The following EVPLL variants were observed in gnomAD, a reference collection of about 807,000 sequenced individuals.
EVPLL encodes envoplakin-like protein.
A neutral mutation model predicts 46.2 loss-of-function variants in EVPLL; 39 were observed. The observed-to-expected ratio is 0.84, with a 90% confidence interval of 0.65 to 1.10. The LOEUF (loss-of-function observed/expected upper bound fraction) is 1.10. EVPLL is among the 50% of genes least tolerant of loss of function. EVPLL has a pLI of 0.00. For missense variants in EVPLL, 385 were observed against 412.6 expected, an observed-to-expected ratio of 0.93 and a Z score of 0.58; for synonymous variants, 156 against 165.8, an observed-to-expected ratio of 0.94 and a Z score of 0.46.
chr17:18,382,803 G>C (rs752087477), intron 5 of EVPLL, 23 bp from the exon 6 acceptor site: 6 of 1,611,736 alleles, frequency 3.7e-6, no homozygotes, highest in Non-Finnish European at 4.2e-6. Flanking sequence ...TCACGGGCTT[G>C]TTTCTCCCCT....
intron 6 of EVPLL, 29 bp downstream of exon 6, chr17:18,382,893 G>C (rs746796846): frequency 1.9e-5 from 31 of 1,596,704 alleles, no homozygotes; most frequent in Non-Finnish European, 1.6e-5. Context: ...CGGGCAGGGT[G>C]GCTGCAGGTG....
chr17:18,383,074 G>A lies in EVPLL; in HGVS notation c.561G>A (p.Leu187=), dbSNP rs1259336576. The part of the protein sequence containing the change: ...RAEPGQPVHA[L]QGCTWQLSAL... ...AGCCTGGGCAGCCTGTACACGCACT[G>A]CAGGGCTGCACGTGGCAGCTGAGCG... The change falls in exon 7 of 11, where the codon CTG becomes CTA. Residue 187 remains leucine (L), a synonymous_variant. Coordinates refer to ENST00000399134, the MANE Select transcript of EVPLL (RefSeq NM_001145127.2). 3.1e-5 allele frequency: 49 copies of A among 1,555,978 alleles called. 1 individual carries two copies. The Admixed American group carries it at 9.0e-4, about 28-fold the overall frequency.
chr17:18,383,222 C>T (rs1987652267), intron 7 of EVPLL, 37 bp downstream of exon 7: 6 of 1,548,368 alleles, frequency 3.9e-6, no homozygotes, highest in Admixed American at 1.9e-5. Context: ...CGGGGGCGAC[C>T]AGGGCCATCC....
chr17:18,384,919 T>A (rs1456095731), intron 9 of EVPLL, among the ~76,000 whole-genome samples: 4 of 150,094 alleles, frequency 2.7e-5, no homozygotes, highest in Non-Finnish European at 5.9e-5. Flanking sequence ...GAAAGATGGG[T>A]AGAAAGAGAT....
chr17:18,384,059 C>T (rs910600200), intron 9 of EVPLL, among the ~76,000 whole-genome samples: 5 of 152,284 alleles, frequency 3.3e-5, no homozygotes, highest in African/African-American at 1.2e-4. Flanking sequence ...AGGGTGAAGC[C>T]GTTCCCAGGG....
intron 10 of EVPLL, 28 bp downstream of exon 10, chr17:18,388,316 C>A (rs1271643270): frequency 3.8e-6 from 4 of 1,042,670 alleles, no homozygotes; most frequent in Admixed American, 4.2e-5. Flanking sequence ...AAGAAACTAG[C>A]AAAGGGTCTT....
chr17:18,382,708 C>G (rs1303501486), intron 5 of EVPLL, 70 bp downstream of exon 5: 2 of 1,539,652 alleles, frequency 1.3e-6, no homozygotes, highest in South Asian at 1.2e-5. Flanking sequence ...AGAGCCGGAG[C>G]TAGATCGGCT....
In EVPLL at chr17:18,383,188, C is replaced by G; in HGVS notation, c.672+3C>G. 6.5e-7 allele frequency: 1 copy of G among 1,546,636 alleles called. No individual in the cohort carries two copies. The highest frequency in any genetic ancestry group is 1.4e-5 in the African/African-American group (1 of 73,326). ...CGGGCGTGCGGCGGGAATACGAGGT[C>G]GGCTGGCAGAGGTTGGGGCCAGGCG... On this transcript the variant is annotated splice_donor_region_variant and intron_variant, in intron 7 of 10. Coordinates refer to ENST00000399134, the MANE Select transcript of EVPLL (RefSeq NM_001145127.2).
intron 9 of EVPLL, among the ~76,000 whole-genome samples, chr17:18,385,788 T>G (rs947108004): frequency 5.9e-5 from 9 of 152,202 alleles, no homozygotes; most frequent in African/African-American, 2.2e-4. Flanking sequence ...CATATAAACT[T>G]TAAGTTGGTT....
chr17:18,381,691 A>T lies in EVPLL; in HGVS notation c.307A>T (p.Ile103Phe), dbSNP rs1987583304. The change falls in exon 4 of 11, where the codon ATC becomes TTC. Residue 103 changes from isoleucine (I) to phenylalanine (F), a missense_variant. Physicochemically the swap from Ile to Phe is conservative, Grantham distance 21. Coordinates refer to ENST00000399134, the MANE Select transcript of EVPLL (RefSeq NM_001145127.2). The surrounding 1 kb of genome is among the most constrained non-coding windows in gnomAD (Gnocchi z 4.2). ...EKMVLPPRRG[I>F]QGRLGTRAGA... ...GATGGTGCTGCCGCCCCGACGTGGG[A>T]TCCAAGGTCGACTGGGCACACGTGC... 1.2e-6 allele frequency: 2 copies of T among 1,614,170 alleles called. No individual in the cohort carries two copies. Among genetic ancestry groups the T allele is most frequent in the Non-Finnish European group, 8.5e-7 (1 of 1,180,038 alleles).
chr17:18,389,554 G>A lies in EVPLL; in HGVS notation c.*738G>A, dbSNP rs2151634311. 2 of 91,752 alleles carry A rather than the reference G, an allele frequency of 2.2e-5. No homozygotes were observed. The highest frequency in any genetic ancestry group is 4.2e-4 in the East Asian group (2 of 4,744). The allele number at this position is 91,752 out of a possible 1,614,324, so 5.7% of individuals were successfully genotyped here. On this transcript the variant is annotated 3_prime_UTR_variant, in exon 11 of 11. Coordinates refer to ENST00000399134, the MANE Select transcript of EVPLL (RefSeq NM_001145127.2). Reference sequence around the variant, plus strand: ...TCCAAACTCAGCACTTGTGCCCTGGGGTCTCCAAACTGTCTTCTGCCCTAG... The same window carrying A: ...TCCAAACTCAGCACTTGTGCCCTGGAGTCTCCAAACTGTCTTCTGCCCTAG...
intron 9 of EVPLL, among the ~76,000 whole-genome samples, chr17:18,385,767 A>G (rs1567813067): frequency 6.6e-6 from 1 of 152,238 alleles, no homozygotes; most frequent in African/African-American, 2.4e-5. Context: ...TTAAACCTGT[A>G]TCTTGAGTAG....
chr17:18,382,711 G>C, intron 5 of EVPLL, 73 bp downstream of exon 5: 1 of 1,547,000 alleles, frequency 6.5e-7, no homozygotes, highest in Non-Finnish European at 8.8e-7. Context: ...GCCGGAGCTA[G>C]ATCGGCTGGG....
At chr17:18,380,434 T>C (rs58494088) in intron 1 of EVPLL, 7,382 of 160,916 alleles carry the variant, frequency 0.046, 507 homozygotes, top group African/African-American at 0.16. Flanking sequence ...CAAAGCTCCC[T>C]GGGGTGGAGG....
In EVPLL at chr17:18,381,271, C is replaced by G; in HGVS notation, c.64-96C>G. The G allele has an allele frequency of 6.9e-7, 1 of 1,458,544 alleles. No individual in the cohort carries two copies. The allele number at this position is 1,458,544 out of a possible 1,614,324, so 90.4% of individuals were successfully genotyped here. A position where few individuals can be genotyped will look rare whatever the true frequency, so the allele number is the denominator to read the frequency against. On this transcript the variant is annotated intron_variant, in intron 2 of 10. Transcript: ENST00000399134. The surrounding 1 kb of genome is among the most constrained non-coding windows in gnomAD (Gnocchi z 4.2). ...TGGGCCTCGAGGTTGGCCAGCATAG[C>G]TGGGGTCCCAAAGGTGGGGCTCAGG...
rs868129645 is a variant in EVPLL at position 18,388,324 on chromosome 17, C to T, written c.*40+36C>T. ...AAGTACCAAGAAACTAGCAAAGGGT[C>T]TTCTGGTTGTCTGGGGACAGTCCTC... On this transcript the variant is annotated intron_variant, in intron 10 of 10. Transcript: ENST00000399134. 1.8e-5 allele frequency: 17 copies of T among 960,480 alleles called. No individual in the cohort carries two copies. The Middle Eastern group carries it at 2.5e-3, about 143-fold the overall frequency. 59.5% of individuals were successfully genotyped at this position (960,480 alleles called of 1,614,324 possible).
chr17:18,386,964 T>C (rs57006411), intron 9 of EVPLL, among the ~76,000 whole-genome samples: 2 of 148,994 alleles, frequency 1.3e-5, no homozygotes, highest in Non-Finnish European at 3.0e-5. Flanking sequence ...GCCTGATCTC[T>C]GCTCACTGCA....
intron 1 of EVPLL, 76 bp downstream of exon 1, chr17:18,378,059 G>A (rs112347175): frequency 0.095 from 43,769 of 458,872 alleles, 2,544 homozygotes; most frequent in East Asian, 0.21. Flanking sequence ...TGAGCCACCT[G>A]GCGGCGGCCC....
chr17:18,378,482 C>G (rs1171931730), intron 1 of EVPLL, among the ~76,000 whole-genome samples: 1 of 152,096 alleles, frequency 6.6e-6, no homozygotes, highest in Non-Finnish European at 1.5e-5. Flanking sequence ...GAGCCCTCCC[C>G]AGAGCTCTCA....
Sources: allele counts gnomAD v4.1 joint callset (sites outside exome capture counted in the v4.1 genomes callset), GRCh38; gene constraint gnomAD v4.1.1; non-coding constraint Gnocchi (gnomAD v3.1); transcripts MANE v1.5; gene names NCBI Gene and HGNC (gene_info 2026-07-23, HGNC 2026-07-21).